Variants in GIT2 observed in about 807,000 individuals in gnomAD.
GIT2 encodes the protein GIT ArfGAP 2.
GIT2 carries 32 observed loss-of-function variants against 100.3 expected under a neutral mutation model. The observed-to-expected ratio is 0.32, with a 90% confidence interval of 0.24 to 0.43. GIT2 has a LOEUF of 0.43. Among genes scored for constraint, GIT2 ranks in the 20% least tolerant of loss-of-function variants. The pLI, the probability that GIT2 is intolerant of heterozygous loss-of-function variation, is 1.00. For synonymous variants in GIT2, 353 were observed against 364.1 expected, an observed-to-expected ratio of 0.97 and a Z score of 0.35; for missense variants, 737 against 975.1, an observed-to-expected ratio of 0.76 and a Z score of 3.25.
intron 7 of GIT2, among the ~76,000 whole-genome samples, chr12:109,980,196 G>C (rs1256744186): frequency 6.6e-6 from 1 of 151,904 alleles, no homozygotes; most frequent in Admixed American, 6.6e-5. Context: ...CCAAGTACGT[G>C]GGACTACAGG....
In GIT2 at chr12:109,933,131, T is replaced by C; in HGVS notation, c.2127A>G (p.Arg709=). The stretch of plus-strand genomic sequence containing the variant: ...GGGTCTTCTTGCACTCTGACTGCAG[T>C]CGGTAGGCACTGGACGTCAGTAAAC... ...SLRLLTSSAY[R]LQSECKKTLP... Residue 709 remains arginine (R), a synonymous_variant, in exon 20 of 20, where the codon CGA becomes CGG. Transcript: ENST00000355312. This position sits in a 1 kb window ranked among gnomAD's most constrained non-coding sequence, Gnocchi z 4.5. The C allele has an allele frequency of 1.2e-6, 2 of 1,607,300 alleles. No homozygotes were observed. Among genetic ancestry groups the C allele is most frequent in the Non-Finnish European group, 1.7e-6 (2 of 1,176,546 alleles).
chr12:109,952,847 C>T (rs1878294421), intron 13 of GIT2: 1 of 563,790 alleles, frequency 1.8e-6, no homozygotes, highest in East Asian at 3.0e-5. Flanking sequence ...CCAGAGAAGT[C>T]ACTCAGTAAA....
intron 6 of GIT2, chr12:109,981,761 C>T (rs907734412): frequency 2.0e-5 from 3 of 152,140 alleles, no homozygotes; most frequent in African/African-American, 4.8e-5. Context: ...GGTACAAGTG[C>T]GAAAATTCCA....
At chr12:109,944,531 T>C (rs879566977) in intron 16 of GIT2, among the ~76,000 whole-genome samples, 1 of 152,208 alleles carries the variant, frequency 6.6e-6, no homozygotes, top group Non-Finnish European at 1.5e-5. Flanking sequence ...GCCAGCTAAG[T>C]CCTTAGGACC....
intron 6 of GIT2, chr12:109,981,460 A>T (rs1040465730): frequency 5.3e-6 from 1 of 187,590 alleles, no homozygotes; most frequent in African/African-American, 2.4e-5. Flanking sequence ...TGGGGACAGG[A>T]TGGGGCCAGG....
At position 109,932,907 on chromosome 12, in the gene GIT2, A is replaced by G. The variant is rs551856928; in HGVS notation, c.*71T>C. 3.7e-6 allele frequency: 3 copies of G among 821,768 alleles called. No homozygotes were observed. The highest frequency in any genetic ancestry group is 3.4e-5 in the African/African-American group (2 of 59,072). The allele number at this position is 821,768 out of a possible 1,614,324, so 50.9% of individuals were successfully genotyped here. A position where few individuals can be genotyped will look rare whatever the true frequency, so the allele number is the denominator to read the frequency against. ...TGTTTCTTTTTGTAGAAATCTGAAG[A>G]GTTCTGCGTCTGAATTTGAAATTGG... is the stretch of plus-strand genomic sequence containing the variant. On this transcript the variant is annotated 3_prime_UTR_variant, in exon 20 of 20. Transcript: ENST00000355312.
In GIT2 at chr12:109,968,161, TTGAGTAGC is replaced by T. The variant is rs1329058062; in HGVS notation, c.719-666_719-659del. Among the ~76,000 whole-genome samples, 91 of 152,336 alleles carry T rather than the reference TTGAGTAGC, an allele frequency of 6.0e-4. No homozygotes were observed. The South Asian group carries it at 0.012, about 20-fold the overall frequency. ...GTAAGAAACTGCCAGACCTTTTCCC[TTGAGTAGC>T]GCTATCACTTTGTTTTCCAAACAGC... is the stretch of plus-strand genomic sequence containing the variant. On this transcript the variant is annotated intron_variant, in intron 7 of 19. Transcript: ENST00000355312.
intron 4 of GIT2, among the ~76,000 whole-genome samples, chr12:109,987,757 C>T (rs1244994743): frequency 3.9e-5 from 6 of 152,130 alleles, no homozygotes; most frequent in Admixed American, 6.5e-5. Flanking sequence ...AGTGAGCCAT[C>T]GCACCCGGCC....
chr12:109,975,609 A>C (rs79259567), intron 7 of GIT2, among the ~76,000 whole-genome samples: 1,880 of 152,086 alleles, frequency 0.012, 50 homozygotes, highest in African/African-American at 0.043. Flanking sequence ...TACGGACTTA[A>C]GTCTATAATG....
At chr12:109,989,942 T>C in intron 2 of GIT2, 140 bp from the exon 3 acceptor site, 1 of 645,698 alleles carries the variant, frequency 1.5e-6, no homozygotes, top group Non-Finnish European at 2.7e-6. Flanking sequence ...TGTTTTCTGA[T>C]TTGAGAATGA....
At position 109,933,949 on chromosome 12, in the gene GIT2, T is replaced by G. The variant is rs1327069450; in HGVS notation, c.2067+73A>C. The G allele has an allele frequency of 1.2e-6, 1 of 849,800 alleles. No homozygotes were observed. Among genetic ancestry groups the G allele is most frequent in the Non-Finnish European group, 2.1e-6 (1 of 482,774 alleles). 52.6% of individuals were successfully genotyped at this position (849,800 alleles called of 1,614,324 possible). A position where few individuals can be genotyped will look rare whatever the true frequency, so the allele number is the denominator to read the frequency against. Reference sequence around the variant, plus strand: ...ATGTGCTACAAAAAAGCTAATGTAATATATAGGTCATAAAGAAATTTCTTG... The same window carrying G: ...ATGTGCTACAAAAAAGCTAATGTAAGATATAGGTCATAAAGAAATTTCTTG... On this transcript the variant is annotated intron_variant, in intron 19 of 19. Transcript: ENST00000355312. The surrounding 1 kb of genome is among the most constrained non-coding windows in gnomAD (Gnocchi z 4.5).
chr12:109,978,316 C>T (rs1885577233), intron 7 of GIT2, among the ~76,000 whole-genome samples: 1 of 152,072 alleles, frequency 6.6e-6, no homozygotes, highest in African/African-American at 2.4e-5. Flanking sequence ...CTCCCAACCT[C>T]AAATGATCTG....
At position 109,991,711 on chromosome 12, in the gene GIT2, G is replaced by A. The variant is rs1316505855; in HGVS notation, c.102C>T (p.Cys34=). 6.2e-7 allele frequency: 1 copy of A among 1,612,230 alleles called. No individual in the cohort carries two copies. The highest frequency in any genetic ancestry group is 1.7e-5 in the Admixed American group (1 of 60,004). ...VNRGTFLCDE[C]CSVHRSLGRH... ...GCCCTAGACTCCGATGGACACTGCA[G>A]CACTCATCACATAAAAACGTTCCCC... The change falls in exon 2 of 20, where the codon TGC becomes TGT. Residue 34 remains cysteine, a synonymous_variant. Transcript: ENST00000355312.
chr12:109,965,287 A>G (rs1239819602), intron 9 of GIT2, among the ~76,000 whole-genome samples: 3 of 152,238 alleles, frequency 2.0e-5, no homozygotes, highest in Non-Finnish European at 4.4e-5. Context: ...TGCCATCTGC[A>G]CTTGTTACAT....
intron 9 of GIT2, among the ~76,000 whole-genome samples, chr12:109,964,736 G>A (rs1170616161): frequency 1.3e-5 from 2 of 151,356 alleles, no homozygotes; most frequent in Non-Finnish European, 2.9e-5. Flanking sequence ...TGCCCTTACA[G>A]GTTACAAAAA....
In GIT2 at chr12:109,947,029, C is replaced by G. The variant is rs531110468; in HGVS notation, c.1641+227G>C. Among the ~76,000 whole-genome samples the G allele has an allele frequency of 3.0e-4, 46 of 152,272 alleles. No homozygotes were observed. Among genetic ancestry groups the G allele is most frequent in the African/African-American group, 1.1e-3 (45 of 41,546 alleles). On this transcript the variant is annotated intron_variant, in intron 15 of 19. Coordinates refer to ENST00000355312, the MANE Select transcript of GIT2 (RefSeq NM_057169.5). The surrounding 1 kb of genome is among the most constrained non-coding windows in gnomAD (Gnocchi z 4.3). ...GGGGAGAAAAAAGCAGCAGTTCGGGCAAGAGCCAGAATCCCCAACTTGGTT... is the reference window on the plus strand; with the variant it reads ...GGGGAGAAAAAAGCAGCAGTTCGGGGAAGAGCCAGAATCCCCAACTTGGTT...
At chr12:109,945,481 A>G (rs369172927) in intron 15 of GIT2, 132 bp from the exon 16 acceptor site, 29 of 649,606 alleles carry the variant, frequency 4.5e-5, no homozygotes, top group African/African-American at 2.7e-4. Context: ...CTCAGTGGCC[A>G]CCAGTGACAG....
intron 7 of GIT2, among the ~76,000 whole-genome samples, chr12:109,975,773 T>C (rs78596444): frequency 1.9e-5 from 2 of 103,490 alleles, no homozygotes; most frequent in African/African-American, 6.2e-5. Context: ...TTTGTAGTCT[T>C]TTTTTTTTTT....
chr12:109,960,336 A>C (rs928103528), intron 11 of GIT2, among the ~76,000 whole-genome samples: 1 of 152,210 alleles, frequency 6.6e-6, no homozygotes, highest in South Asian at 2.1e-4. Flanking sequence ...TTAAATTTTA[A>C]GTTTAGGCCG....
Sources: allele counts gnomAD v4.1 joint callset (sites outside exome capture counted in the v4.1 genomes callset), GRCh38; gene constraint gnomAD v4.1.1; non-coding constraint Gnocchi (gnomAD v3.1); transcripts MANE v1.5; gene names NCBI Gene and HGNC (gene_info 2026-07-23, HGNC 2026-07-21).